CASC3: variants seen among roughly 807,000 people sequenced by gnomAD.
CASC3 encodes the protein CASC3 exon junction complex subunit.
A neutral mutation model predicts 80.5 loss-of-function variants in CASC3; 30 were observed. That is an observed-to-expected ratio of 0.37 (90% confidence interval 0.28 to 0.51). The LOEUF (loss-of-function observed/expected upper bound fraction) is 0.51. CASC3 is among the 20% of genes least tolerant of loss of function. The pLI, the probability that CASC3 is intolerant of heterozygous loss-of-function variation, is 0.94. For missense variants in CASC3, 824 were observed against 922.2 expected, an observed-to-expected ratio of 0.89 and a Z score of 1.38; for synonymous variants, 312 against 333.6, an observed-to-expected ratio of 0.94 and a Z score of 0.70.
Position 40,160,583 on chromosome 17 carries a change from C to T in CASC3, c.298-1170C>T, listed in dbSNP as rs1464378468. On this transcript the variant is annotated intron_variant, in intron 3 of 13. Transcript: ENST00000264645. ...ATATGTTAGGTATCGTATAGTAAGTCTCCCTTCCATTCTTATCCTCTGGGC... is the reference window on the plus strand; with the variant it reads ...ATATGTTAGGTATCGTATAGTAAGTTTCCCTTCCATTCTTATCCTCTGGGC... Among the ~76,000 whole-genome samples, 4 of 151,014 alleles carry T rather than the reference C, an allele frequency of 2.6e-5. No individual in the cohort carries two copies. The East Asian group carries it at 7.7e-4, about 29-fold the overall frequency.
At chr17:40,140,884 A>T (rs1988695519) in intron 1 of CASC3, 105 bp downstream of exon 1, 1 of 926,096 alleles carries the variant, frequency 1.1e-6, no homozygotes, top group South Asian at 1.8e-5. Flanking sequence ...AGATACTGGG[A>T]CTTTTTTTTG....
intron 7 of CASC3, 84 bp from the exon 8 acceptor site, chr17:40,166,713 A>T: frequency 1.2e-6 from 1 of 864,620 alleles, no homozygotes; most frequent in Middle Eastern, 2.2e-4. Flanking sequence ...TTATGTTGAC[A>T]CTTAAACCTG....
intron 3 of CASC3, among the ~76,000 whole-genome samples, chr17:40,154,478 C>T (rs9904120): frequency 0.039 from 5,888 of 151,632 alleles, 373 homozygotes; most frequent in African/African-American, 0.14. Context: ...AGGTGATCTG[C>T]CCACCTCAGC....
intron 3 of CASC3, among the ~76,000 whole-genome samples, chr17:40,153,145 A>C (rs1160016361): frequency 6.6e-6 from 1 of 152,156 alleles, no homozygotes; most frequent in Non-Finnish European, 1.5e-5. Context: ...GAAGTTTTAT[A>C]TCCTTTTACC....
At chr17:40,156,987 A>T (rs1014225572) in intron 3 of CASC3, among the ~76,000 whole-genome samples, 3 of 151,114 alleles carry the variant, frequency 2.0e-5, no homozygotes, top group African/African-American at 7.3e-5. Context: ...AGGCTGCAGC[A>T]AGCCATGATC....
At position 40,170,775 on chromosome 17, in the gene CASC3, T is replaced by G. The variant is rs973821755; in HGVS notation, c.*370T>G. The G allele has an allele frequency of 2.0e-4, 200 of 985,354 alleles. No individual in the cohort carries two copies. The highest frequency in any genetic ancestry group is 2.4e-4 in the Non-Finnish European group (197 of 829,864). The allele number at this position is 985,354 out of a possible 1,614,324, so 61.0% of individuals were successfully genotyped here. ...GTTCCCAAGGAAGCTCCTTCCTGTT[T>G]GTTTTGTTTTCTAAGATGTTCATTT... On this transcript the variant is annotated 3_prime_UTR_variant, in exon 14 of 14. Transcript: ENST00000264645.
chr17:40,162,895 A>G lies in CASC3; in HGVS notation c.779A>G (p.Lys260Arg). ...PDDIKPRRIR[K>R]PRYGSPPQRD... The stretch of plus-strand genomic sequence containing the variant: ...GACATCAAACCTCGAAGAATCCGGA[A>G]ACCCCGGTGAGGACATTTTAGAACA... The change falls in exon 6 of 14, where the codon AAA (lysine) becomes AGA (arginine). Residue 260 changes from lysine to arginine, a missense_variant. Transcript: ENST00000264645. The G allele has an allele frequency of 6.2e-7, 1 of 1,613,626 alleles. No homozygotes were observed. The highest frequency in any genetic ancestry group is 8.5e-7 in the Non-Finnish European group (1 of 1,179,772).
intron 11 of CASC3, chr17:40,168,831 C>G (rs1989520255): frequency 8.9e-6 from 2 of 223,968 alleles, no homozygotes; most frequent in Non-Finnish European, 1.8e-5. Context: ...CTCAACCGAT[C>G]CACCTGCCTC....
At chr17:40,145,714 C>G (rs1988842186) in intron 3 of CASC3, among the ~76,000 whole-genome samples, 1 of 150,472 alleles carries the variant, frequency 6.6e-6, no homozygotes, top group African/African-American at 2.5e-5. Flanking sequence ...GAGCAAGACC[C>G]TGTGTCAAAA....
At chr17:40,159,714 T>G (rs1012385695) in intron 3 of CASC3, among the ~76,000 whole-genome samples, 3 of 134,566 alleles carry the variant, frequency 2.2e-5, no homozygotes, top group Admixed American at 2.2e-4. Context: ...CTGGCGAATT[T>G]TTTTTTTTTT....
rs1444522408 is a variant in CASC3 at position 40,162,733 on chromosome 17, G to T, written c.617G>T (p.Gly206Val). The change falls in exon 6 of 14, where the codon GGG becomes GTG. Residue 206 changes from glycine (G) to valine (V), a missense_variant. Transcript: ENST00000264645. Reference sequence around the variant, plus strand: ...TCCTTCATTTTATCCAGACCCAAGGGGCGTCAGCGAAAGCTATGGAAGGAT... The same window carrying T: ...TCCTTCATTTTATCCAGACCCAAGGTGCGTCAGCGAAAGCTATGGAAGGAT... ...QTQEEEVRPK[G>V]RQRKLWKDEG... 4 of 1,613,394 alleles carry T rather than the reference G, an allele frequency of 2.5e-6. No homozygotes were observed. Among genetic ancestry groups the T allele is most frequent in the Admixed American group, 1.7e-5 (1 of 59,984 alleles).
intron 4 of CASC3, 22 bp downstream of exon 4, chr17:40,161,933 C>G (rs1450981791): frequency 6.2e-7 from 1 of 1,613,394 alleles, no homozygotes; most frequent in Admixed American, 1.7e-5. Flanking sequence ...CCACAGTCCT[C>G]CATTTTAGAG....
intron 3 of CASC3, among the ~76,000 whole-genome samples, chr17:40,146,497 C>T (rs964771770): frequency 2.0e-5 from 3 of 149,088 alleles, no homozygotes; most frequent in African/African-American, 7.4e-5. Context: ...TCTGCAGTGG[C>T]GTGATCTCAG....
At chr17:40,141,958 T>C (rs975582016) in intron 3 of CASC3, among the ~76,000 whole-genome samples, 44 of 152,238 alleles carry the variant, frequency 2.9e-4, no homozygotes, top group African/African-American at 1.1e-3. Context: ...GTTATTTTTT[T>C]CCAAATCTAT....
At chr17:40,168,652 G>A (rs1400136395) in intron 11 of CASC3, 8 of 476,678 alleles carry the variant, frequency 1.7e-5, no homozygotes, top group Non-Finnish European at 2.7e-5. Context: ...GTGCAGTGGC[G>A]TGATCTCGGT....
At chr17:40,155,715 T>C (rs574902524) in intron 3 of CASC3, among the ~76,000 whole-genome samples, 1 of 152,336 alleles carries the variant, frequency 6.6e-6, no homozygotes, top group East Asian at 1.9e-4. Context: ...CTAAAACTTC[T>C]GTATTAGAAT....
intron 2 of CASC3, 134 bp downstream of exon 2, chr17:40,141,368 G>A (rs1433096853): frequency 3.2e-6 from 3 of 926,274 alleles, no homozygotes; most frequent in African/African-American, 1.6e-5. Flanking sequence ...TAACATAGTG[G>A]TTAAGAGCAT....
At chr17:40,142,933 A>G (rs1195461511) in intron 3 of CASC3, among the ~76,000 whole-genome samples, 2 of 151,468 alleles carry the variant, frequency 1.3e-5, no homozygotes, top group South Asian at 2.1e-4. Context: ...TAAAAAATAC[A>G]AAAATTAGCT....
At chr17:40,142,121 T>A (rs894586748) in intron 3 of CASC3, among the ~76,000 whole-genome samples, 15 of 152,196 alleles carry the variant, frequency 9.9e-5, no homozygotes, top group African/African-American at 3.4e-4. Flanking sequence ...GTTTCCTGGG[T>A]TGTTGAGTGG....
Sources: gnomAD v4.1 joint callset for allele counts (sites outside exome capture counted in the v4.1 genomes callset) on GRCh38, gnomAD v4.1.1 for gene constraint, MANE v1.5 for transcripts, NCBI Gene and HGNC (gene_info 2026-07-23, HGNC 2026-07-21) for gene names.